SKAP1: variants seen among roughly 807,000 people sequenced by gnomAD.
SKAP1 encodes the protein src kinase-associated phosphoprotein 1.
SKAP1 carries 44 observed loss-of-function variants against 58.5 expected under a neutral mutation model. That is an observed-to-expected ratio of 0.75 (90% CI 0.59 to 0.97). SKAP1 has a LOEUF of 0.97. Among genes scored for constraint, SKAP1 ranks in the 50% least tolerant of loss-of-function variants. The pLI is 0.00. For missense variants in SKAP1, 390 were observed against 435.2 expected (o/e 0.90, Z 0.92); for synonymous variants, 127 against 149.7 (o/e 0.85, Z 1.11).
chr17:48,163,134 G>A (rs2064092017), intron 10 of SKAP1, among the ~76,000 whole-genome samples: 1 of 152,128 alleles, frequency 6.6e-6, no homozygotes, highest in South Asian at 2.1e-4. Context: ...GAATAGCCCA[G>A]TCTTTAAGTG....
upstream of SKAP1, among the ~76,000 whole-genome samples, chr17:48,432,169 G>A (rs922430589): frequency 6.6e-5 from 10 of 152,156 alleles, no homozygotes; most frequent in African/African-American, 1.9e-4. Flanking sequence ...AGTGGCTCAC[G>A]CCTATAATCC....
chr17:48,442,296 TGGTTATTTCTGGAAGAAATG>T, the SKAP1 span, among the ~76,000 whole-genome samples: 2 of 152,170 alleles, frequency 1.3e-5, no homozygotes, highest in Admixed American at 1.3e-4. Flanking sequence ...ACAACACAGT[TGGTTATTTCTGGAAGAAATG>T]GGTAGGTTTG....
Position 48,180,192 on chromosome 17 carries a change from C to T in SKAP1, c.688G>A (p.Glu230Lys). The T allele has an allele frequency of 2.5e-6, 4 of 1,612,212 alleles. No individual in the cohort carries two copies. In the South Asian group the frequency reaches 3.3e-5, roughly 13 times the overall value. Residue 230 changes from glutamate (E) to lysine (K), a missense_variant, in exon 9 of 13, where the codon GAG (glutamate) becomes AAG (lysine). Physicochemically the swap from Glu to Lys is moderately conservative, Grantham distance 56. Coordinates refer to ENST00000336915, the MANE Select transcript of SKAP1 (RefSeq NM_003726.4). ...AAACCATCAATATCATCATATGTCT[C>T]TTCTTTTTCTTCTTCCTCCTCATCC... The part of the protein sequence containing the change: ...EEDEEEEEKE[E>K]TYDDIDGFDS...
At chr17:48,173,965 AG>A (rs1464859839) in intron 9 of SKAP1, among the ~76,000 whole-genome samples, 1 of 152,256 alleles carries the variant, frequency 6.6e-6, no homozygotes, top group Non-Finnish European at 1.5e-5. Context: ...TTTGTAAAAT[AG>A]GAGAATGTAA....
At chr17:48,164,952 C>T (rs937782031) in intron 10 of SKAP1, among the ~76,000 whole-genome samples, 8 of 152,226 alleles carry the variant, frequency 5.3e-5, no homozygotes, top group African/African-American at 1.9e-4. Context: ...TTCTCATCAT[C>T]CAACAGACAT....
intron 4 of SKAP1, among the ~76,000 whole-genome samples, chr17:48,341,770 C>G (rs2066656518): frequency 6.6e-6 from 1 of 152,118 alleles, no homozygotes; most frequent in Admixed American, 6.5e-5. Flanking sequence ...CTTCTCTAAC[C>G]TTCAACATCC....
In SKAP1 at chr17:48,430,179, C is replaced by G; in HGVS notation, c.-59G>C. The G allele has an allele frequency of 3.3e-6, 4 of 1,208,226 alleles. No individual in the cohort carries two copies. Among genetic ancestry groups the G allele is most frequent in the Non-Finnish European group, 4.2e-6 (4 of 962,576 alleles). The allele number at this position is 1,208,226 out of a possible 1,614,324, so 74.8% of individuals were successfully genotyped here. On this transcript the variant is annotated 5_prime_UTR_variant, in exon 1 of 13. Coordinates refer to ENST00000336915, the MANE Select transcript of SKAP1 (RefSeq NM_003726.4). ...GGGCCCTGGTCGGGAGGCGGACGGG[C>G]TGGAAGGCGACCCGGCTGCACCGCG...
intron 1 of SKAP1, among the ~76,000 whole-genome samples, chr17:48,400,301 G>A (rs909014189): frequency 2.6e-5 from 4 of 151,768 alleles, no homozygotes; most frequent in African/African-American, 7.3e-5. Flanking sequence ...GTTTCTCCTC[G>A]TTAGCTAGGC....
At chr17:48,240,943 C>G (rs1376250758) in intron 4 of SKAP1, among the ~76,000 whole-genome samples, 1 of 152,198 alleles carries the variant, frequency 6.6e-6, no homozygotes, top group African/African-American at 2.4e-5. Flanking sequence ...CCCTAGTGTA[C>G]TCTGAGACTA....
intron 4 of SKAP1, among the ~76,000 whole-genome samples, chr17:48,207,237 C>T (rs777859501): frequency 2.6e-5 from 4 of 152,038 alleles, no homozygotes; most frequent in Admixed American, 1.3e-4. Context: ...GTAATCCCAG[C>T]GCTTTGGAGG....
intron 2 of SKAP1, among the ~76,000 whole-genome samples, chr17:48,373,408 G>C (rs997522831): frequency 2.0e-5 from 3 of 152,160 alleles, no homozygotes; most frequent in African/African-American, 7.2e-5. Context: ...TTCAAGATGA[G>C]ATTTGGGTGG....
At chr17:48,370,596 CAGA>C (rs2067071427) in intron 2 of SKAP1, among the ~76,000 whole-genome samples, 1 of 152,134 alleles carries the variant, frequency 6.6e-6, no homozygotes, top group South Asian at 2.1e-4. Flanking sequence ...CACACCTGGC[CAGA>C]ATGGTTATTA....
chr17:48,186,916 CA>C (rs2064461906), intron 6 of SKAP1, among the ~76,000 whole-genome samples: 1 of 152,128 alleles, frequency 6.6e-6, no homozygotes, highest in African/African-American at 2.4e-5. Context: ...AAAATGATTG[CA>C]AGGAAAAAGA....
intron 11 of SKAP1, among the ~76,000 whole-genome samples, chr17:48,154,351 C>A (rs2063943559): frequency 6.6e-6 from 1 of 152,206 alleles, no homozygotes; most frequent in African/African-American, 2.4e-5. Flanking sequence ...TTGACTTTGT[C>A]TGTATGGCTC....
At chr17:48,222,464 G>A in intron 4 of SKAP1, among the ~76,000 whole-genome samples, 1 of 151,994 alleles carries the variant, frequency 6.6e-6, no homozygotes, top group East Asian at 1.9e-4. Context: ...AATAGGAGAT[G>A]CATATAGAAG....
intron 1 of SKAP1, among the ~76,000 whole-genome samples, chr17:48,407,648 C>T (rs2067604824): frequency 6.6e-6 from 1 of 152,146 alleles, no homozygotes; most frequent in Admixed American, 6.5e-5. Flanking sequence ...TGCTTGAGCC[C>T]AGGGGTTCGA....
intron 4 of SKAP1, among the ~76,000 whole-genome samples, chr17:48,335,578 T>C (rs1467471110): frequency 1.3e-5 from 2 of 152,048 alleles, no homozygotes; most frequent in African/African-American, 4.8e-5. Flanking sequence ...GTGTCCACCA[T>C]AGAAGGAATG....
chr17:48,269,830 A>G (rs548158968), intron 4 of SKAP1, among the ~76,000 whole-genome samples: 8 of 152,266 alleles, frequency 5.3e-5, no homozygotes, highest in Non-Finnish European at 7.4e-5. Flanking sequence ...GCGGTGGCTC[A>G]CGCTTGTAAT....
chr17:48,258,801 T>C (rs1282031204), intron 4 of SKAP1, among the ~76,000 whole-genome samples: 1 of 152,004 alleles, frequency 6.6e-6, no homozygotes, highest in Non-Finnish European at 1.5e-5. Flanking sequence ...ACAAACTGTA[T>C]AGATGGGAAA....
Sources: allele counts gnomAD v4.1 joint callset (sites outside exome capture counted in the v4.1 genomes callset), GRCh38; gene constraint gnomAD v4.1.1; transcripts MANE v1.5; gene names NCBI Gene and HGNC (gene_info 2026-07-23, HGNC 2026-07-21).